Variants in ZMYND11 observed in about 807,000 individuals in gnomAD.
ZMYND11 encodes the protein zinc finger MYND domain-containing protein 11.
ZMYND11 carries 9 observed loss-of-function variants against 84.9 expected under a neutral mutation model. The ratio of observed to expected loss-of-function variants is 0.11; its 90% CI spans 0.06 to 0.18. The LOEUF is 0.18. ZMYND11 is among the 10% of genes least tolerant of loss of function. The pLI is 1.00. For missense variants in ZMYND11, 409 were observed against 761.0 expected (o/e 0.54, Z 5.44); for synonymous variants, 250 against 244.1 (o/e 1.02, Z -0.23).
chr10:187,617 C>G (rs1426043274), intron 2 of ZMYND11, among the ~76,000 whole-genome samples: 3 of 131,878 alleles, frequency 2.3e-5, no homozygotes, highest in Middle Eastern at 3.8e-3. Context: ...CTGGGCTAAA[C>G]AGCGGGACTC....
intron 4 of ZMYND11, among the ~76,000 whole-genome samples, chr10:227,200 C>G (rs1053570884): frequency 3.9e-5 from 6 of 152,190 alleles, no homozygotes; most frequent in African/African-American, 1.2e-4. Context: ...GCACTTGATT[C>G]TCTGACTCAT....
intron 10 of ZMYND11, chr10:244,683 G>A (rs1464176328): frequency 6.6e-6 from 1 of 152,262 alleles, no homozygotes; most frequent in Admixed American, 6.5e-5. Context: ...TGTAGTTAGA[G>A]CATTGGCAGA....
At chr10:133,848 A>C (rs547887317), upstream of ZMYND11, among the ~76,000 whole-genome samples, 3 of 152,336 alleles carry the variant, frequency 2.0e-5, no homozygotes, top group South Asian at 6.2e-4. Context: ...GATAATCAAA[A>C]ACTCTCTGGG....
chr10:170,590 C>T (rs1845094623), intron 1 of ZMYND11, among the ~76,000 whole-genome samples: 1 of 151,822 alleles, frequency 6.6e-6, no homozygotes, highest in South Asian at 2.1e-4. Context: ...CTTTCACTGC[C>T]CATGAAGCAG....
At chr10:151,774 A>G (rs1258674371) in intron 1 of ZMYND11, among the ~76,000 whole-genome samples, 1 of 152,158 alleles carries the variant, frequency 6.6e-6, no homozygotes, top group Non-Finnish European at 1.5e-5. Flanking sequence ...CAGATTCACC[A>G]AAGTTGAAAT....
Position 239,533 on chromosome 10 carries a change from A to C in ZMYND11, c.697+8A>C. 1 of 1,420,976 alleles carries C rather than the reference A, an allele frequency of 7.0e-7. No homozygotes were observed. Among genetic ancestry groups the C allele is most frequent in the Non-Finnish European group, 9.3e-7 (1 of 1,072,034 alleles). The allele number at this position is 1,420,976 out of a possible 1,614,324, so 88.0% of individuals were successfully genotyped here. A position where few individuals can be genotyped will look rare whatever the true frequency, so the allele number is the denominator to read the frequency against. Reference sequence around the variant, plus strand: ...CCGTGATTTTCTATGGAGGTTGAATATTTTTGTTTTTTTTGTATGCATTTT... The same window carrying C: ...CCGTGATTTTCTATGGAGGTTGAATCTTTTTGTTTTTTTTGTATGCATTTT... On this transcript the variant is annotated splice_region_variant and intron_variant, in intron 7 of 14. Transcript: ENST00000381604.
At chr10:245,057 G>A (rs769539662) in intron 10 of ZMYND11, among the ~76,000 whole-genome samples, 3 of 152,140 alleles carry the variant, frequency 2.0e-5, no homozygotes, top group Non-Finnish European at 2.9e-5. Flanking sequence ...CTGTTGATTG[G>A]AAGAGTAAAT....
chr10:248,559 C>T lies in ZMYND11; in HGVS notation c.1451C>T (p.Ser484Leu), dbSNP rs772041805. ...IFNDFKDRMK[S>L]DHKRETERVV... ...AATGACTTCAAAGACCGGATGAAGT[C>T]GGACCACAAGCGGGAGACAGAGCGT... Residue 484 changes from serine (S) to leucine (L), a missense_variant, in exon 13 of 15, where the codon TCG (serine) becomes TTG (leucine). Around this residue, in one of 7 missense-constraint regions of ZMYND11, gnomAD observed 141 missense variants for 173.8 expected, o/e 0.81. Transcript: ENST00000381604. The T allele has an allele frequency of 1.8e-5, 29 of 1,613,416 alleles. No homozygotes were observed. Among genetic ancestry groups the T allele is most frequent in the Admixed American group, 8.3e-5 (5 of 59,990 alleles).
rs2132062359 is a variant in ZMYND11 at position 253,879 on chromosome 10, A to G, written c.*1409A>G. 1 of 152,772 alleles carries G rather than the reference A, an allele frequency of 6.5e-6. No individual in the cohort carries two copies. The highest frequency in any genetic ancestry group is 3.4e-3 in the Middle Eastern group (1 of 294). The allele number at this position is 152,772 out of a possible 1,614,324, so 9.5% of individuals were successfully genotyped here. On this transcript the variant is annotated 3_prime_UTR_variant, in exon 15 of 15. Coordinates refer to ENST00000381604, the MANE Select transcript of ZMYND11 (RefSeq NM_001370100.5). ...TCTCCAGGTTTGTCAGGGTCACTCT[A>G]AAGATAAAAATGTAACTAAGTCTTC... is the stretch of plus-strand genomic sequence containing the variant.
At chr10:198,831 A>G (rs1942408263) in intron 2 of ZMYND11, among the ~76,000 whole-genome samples, 1 of 152,230 alleles carries the variant, frequency 6.6e-6, no homozygotes, top group Admixed American at 6.5e-5. Context: ...GATTAGAGAG[A>G]TGCAGGCGCT....
At chr10:216,397 T>G (rs1241876732) in intron 3 of ZMYND11, among the ~76,000 whole-genome samples, 6 of 152,220 alleles carry the variant, frequency 3.9e-5, no homozygotes, top group Non-Finnish European at 5.9e-5. Context: ...AGTTAATCAA[T>G]CGTATGTTTT....
chr10:198,130 A>G (rs745971297), intron 2 of ZMYND11: 43 of 377,860 alleles, frequency 1.1e-4, no homozygotes, highest in Non-Finnish European at 1.3e-4. Flanking sequence ...TAAATTAAAA[A>G]TATTTCCTTT....
At position 170,312 on chromosome 10, in the gene ZMYND11, A is replaced by G. The variant is rs551688064; in HGVS notation, c.-19-9682A>G. Among the ~76,000 whole-genome samples the G allele has an allele frequency of 2.0e-5, 3 of 152,290 alleles. No homozygotes were observed. The South Asian group carries it at 6.2e-4, about 32-fold the overall frequency. On this transcript the variant is annotated intron_variant, in intron 1 of 14. Transcript: ENST00000381604. ...ATTTCAGTTAGAAACCTGGATGTAG[A>G]TGAAGAAAGGAAGGCCATTCAAGAA...
At chr10:178,485 G>A (rs1457484346) in intron 1 of ZMYND11, among the ~76,000 whole-genome samples, 1 of 152,136 alleles carries the variant, frequency 6.6e-6, no homozygotes, top group Non-Finnish European at 1.5e-5. Flanking sequence ...AGGCATATTG[G>A]ATTCTGAAAG....
intron 5 of ZMYND11, 123 bp downstream of exon 5, chr10:237,038 C>G: frequency 1.2e-6 from 1 of 839,728 alleles, no homozygotes; most frequent in Middle Eastern, 2.3e-4. Context: ...GTGTGGAGAG[C>G]ACCCCGTCAT....
chr10:217,543 T>C lies in ZMYND11; in HGVS notation c.277-3652T>C, dbSNP rs1946394967. The stretch of plus-strand genomic sequence containing the variant: ...AAAAAAAAAAAAAATTGTTGTGAAA[T>C]ACAGATGTGATAATGAATTTTAAAA... On this transcript the variant is annotated intron_variant, in intron 3 of 14. Coordinates refer to ENST00000381604, the MANE Select transcript of ZMYND11 (RefSeq NM_001370100.5). 2.0e-5 allele frequency among the ~76,000 whole-genome samples: 3 copies of C among 151,358 alleles called. No homozygotes were observed. In the South Asian group the frequency reaches 6.2e-4, roughly 32 times the overall value.
At chr10:228,546 G>C (rs1948495310) in intron 4 of ZMYND11, among the ~76,000 whole-genome samples, 1 of 152,222 alleles carries the variant, frequency 6.6e-6, no homozygotes, top group African/African-American at 2.4e-5. Context: ...AGCGATGAGA[G>C]GGAGTGGGAA....
intron 1 of ZMYND11, among the ~76,000 whole-genome samples, chr10:146,324 T>G (rs916564670): frequency 6.6e-6 from 1 of 152,242 alleles, no homozygotes; most frequent in East Asian, 1.9e-4. Context: ...AGATTAGTTC[T>G]TTTGCATAGG....
At chr10:246,422 C>T (rs1395751131) in intron 10 of ZMYND11, among the ~76,000 whole-genome samples, 1 of 152,144 alleles carries the variant, frequency 6.6e-6, no homozygotes, top group African/African-American at 2.4e-5. Flanking sequence ...ATGAAGAATA[C>T]AGATATGAAC....
Sources: gnomAD v4.1 joint callset for allele counts (sites outside exome capture counted in the v4.1 genomes callset) on GRCh38, gnomAD v4.1.1 for gene constraint, gnomAD v4.1.1 regional missense constraint, MANE v1.5 for transcripts, NCBI Gene and HGNC (gene_info 2026-07-23, HGNC 2026-07-21) for gene names.